JDP2: variants seen among roughly 807,000 people sequenced by gnomAD.
The protein encoded by JDP2 is progesterone receptor co-activator.
JDP2 carries 9 observed loss-of-function variants against 17.1 expected under a neutral mutation model. The ratio of observed to expected loss-of-function variants is 0.53; its 90% CI spans 0.32 to 0.92. The LOEUF (loss-of-function observed/expected upper bound fraction) is 0.92. Among genes scored for constraint, JDP2 ranks in the 40% least tolerant of loss-of-function variants. JDP2 has a pLI of 0.04. For synonymous variants in JDP2, 107 were observed against 95.6 expected, an observed-to-expected ratio of 1.12 and a Z score of -0.69; for missense variants, 179 against 220.0, an observed-to-expected ratio of 0.81 and a Z score of 1.18.
rs1884611568 is a variant in JDP2 at position 75,428,135 on chromosome 14, A to G, written c.-141A>G. On this transcript the variant is annotated 5_prime_UTR_variant, in exon 1 of 4. Coordinates refer to ENST00000651602, the MANE Select transcript of JDP2 (RefSeq NM_001135048.2). The surrounding 1 kb of genome is among the most constrained non-coding windows in gnomAD (Gnocchi z 5.6). ...GCGCCGCGGCGGCTCCCGGGCCGGG[A>G]CAGGCCTGGGCACCGGGCGGAGCTC... 6.9e-6 allele frequency: 1 copy of G among 145,134 alleles called. No homozygotes were observed. Among genetic ancestry groups the G allele is most frequent in the African/African-American group, 2.5e-5 (1 of 40,396 alleles). The allele number at this position is 145,134 out of a possible 1,614,324, so 9.0% of individuals were successfully genotyped here.
rs9878 is a variant in JDP2 at position 75,469,644 on chromosome 14, A to C, written c.*169A>C. On this transcript the variant is annotated 3_prime_UTR_variant, in exon 4 of 4. Transcript: ENST00000651602. The stretch of plus-strand genomic sequence containing the variant: ...CTTTTTTGTGAAACTCAGATCAGCC[A>C]CCCAGGAGGAAGAGCGGGCTGAGGA... 162 of 622,624 alleles carry C rather than the reference A, an allele frequency of 2.6e-4. No individual in the cohort carries two copies. The African/African-American group carries it at 2.8e-3, about 11-fold the overall frequency. The allele number at this position is 622,624 out of a possible 1,614,324, so 38.6% of individuals were successfully genotyped here.
At chr14:75,464,056 T>C (rs1183305502) in intron 3 of JDP2, among the ~76,000 whole-genome samples, 1 of 152,218 alleles carries the variant, frequency 6.6e-6, no homozygotes, top group African/African-American at 2.4e-5. Flanking sequence ...CCTTGGGGTC[T>C]GGGAGGAGAT....
At chr14:75,441,118 CGAGAGAGAGAGAGAGGGA>C (rs1199686717) in intron 2 of JDP2, among the ~76,000 whole-genome samples, 14 of 150,342 alleles carry the variant, frequency 9.3e-5, no homozygotes, top group Admixed American at 2.6e-4. Context: ...CTCCTAGTTC[CGAGAGAGAGAGAGAGGGA>C]GAGAGAGAGA....
intron 2 of JDP2, among the ~76,000 whole-genome samples, chr14:75,443,860 A>G (rs1029912986): frequency 6.6e-6 from 1 of 152,062 alleles, no homozygotes; most frequent in Non-Finnish European, 1.5e-5. Context: ...TTCTATTAAT[A>G]TCTTAAAGTG....
At chr14:75,450,504 G>C (rs117382013) in intron 2 of JDP2, among the ~76,000 whole-genome samples, 1,860 of 152,364 alleles carry the variant, frequency 0.012, 15 homozygotes, top group South Asian at 0.04. Flanking sequence ...TGGGAGCCGA[G>C]TGACTCATCT....
chr14:75,465,521 G>A (rs1419533125), intron 3 of JDP2, among the ~76,000 whole-genome samples: 1 of 152,090 alleles, frequency 6.6e-6, no homozygotes, highest in Non-Finnish European at 1.5e-5. Context: ...GTAGAGACCG[G>A]GGCTCCCTGT....
intron 2 of JDP2, among the ~76,000 whole-genome samples, chr14:75,442,920 G>A (rs1262174801): frequency 2.0e-5 from 3 of 152,088 alleles, no homozygotes; most frequent in African/African-American, 4.8e-5. Flanking sequence ...CCGAGGAATC[G>A]GTGCATACGT....
intron 2 of JDP2, among the ~76,000 whole-genome samples, chr14:75,441,118 CGAGAGAGAGAGAGAGGGAGAGAGA>C (rs1199686717): frequency 6.2e-4 from 93 of 150,342 alleles, no homozygotes; most frequent in African/African-American, 2.0e-3. Flanking sequence ...CTCCTAGTTC[CGAGAGAGAGAGAGAGGGAGAGAGA>C]GAGAGAGAGC....
chr14:75,435,920 G>A (rs1028531259), intron 1 of JDP2, among the ~76,000 whole-genome samples: 2 of 152,186 alleles, frequency 1.3e-5, no homozygotes, highest in African/African-American at 4.8e-5. Flanking sequence ...TATGGGCAGA[G>A]GCTTTATGAC....
chr14:75,436,660 G>A (rs905765424), intron 1 of JDP2, among the ~76,000 whole-genome samples: 1 of 152,242 alleles, frequency 6.6e-6, no homozygotes, highest in Non-Finnish European at 1.5e-5. Context: ...GGATGGATGG[G>A]TAGGTAGGAG....
chr14:75,445,145 C>T (rs982191706), intron 2 of JDP2: 1 of 985,088 alleles, frequency 1.0e-6, no homozygotes, highest in Non-Finnish European at 1.2e-6. Context: ...CTGGGTGAGG[C>T]TCATCTGGCT....
At chr14:75,458,463 C>T (rs992054485) in intron 2 of JDP2, among the ~76,000 whole-genome samples, 18 of 152,160 alleles carry the variant, frequency 1.2e-4, no homozygotes, top group Non-Finnish European at 1.9e-4. Context: ...AGGATAATAA[C>T]CTGAGCTCCA....
At position 75,470,677 on chromosome 14, in the gene JDP2, G is replaced by T. The variant is rs542927922; in HGVS notation, c.*1202G>T. The T allele has an allele frequency of 6.6e-6, 1 of 152,338 alleles. No homozygotes were observed. The highest frequency in any genetic ancestry group is 1.9e-4 in the East Asian group (1 of 5,178). The allele number at this position is 152,338 out of a possible 1,614,324, so 9.4% of individuals were successfully genotyped here. On this transcript the variant is annotated 3_prime_UTR_variant, in exon 4 of 4. Coordinates refer to ENST00000651602, the MANE Select transcript of JDP2 (RefSeq NM_001135048.2). ...TGCAGATGTTTTCTGAGGGCCTGTT[G>T]TGTGTGCCAGGCCCTGAGAATTCAC...
chr14:75,442,437 C>G (rs1345394116), intron 2 of JDP2, among the ~76,000 whole-genome samples: 2 of 152,168 alleles, frequency 1.3e-5, no homozygotes, highest in Non-Finnish European at 2.9e-5. Context: ...CCGCTTCATA[C>G]CATCTGTGTT....
chr14:75,447,961 CTAGT>C (rs1885681291), intron 2 of JDP2, among the ~76,000 whole-genome samples: 1 of 152,072 alleles, frequency 6.6e-6, no homozygotes, highest in African/African-American at 2.4e-5. Context: ...GCCCGGCTAG[CTAGT>C]TAGCTAGCTA....
intron 3 of JDP2, among the ~76,000 whole-genome samples, chr14:75,463,529 A>G (rs1278859228): frequency 1.3e-5 from 2 of 152,174 alleles, no homozygotes; most frequent in Non-Finnish European, 2.9e-5. Context: ...AAGCCTAGCC[A>G]GCTGTGAGAA....
chr14:75,459,149 T>C (rs1014737291), intron 2 of JDP2, among the ~76,000 whole-genome samples: 6 of 152,212 alleles, frequency 3.9e-5, no homozygotes, highest in Non-Finnish European at 7.3e-5. Flanking sequence ...GTACCCAGGC[T>C]GCACACATCA....
intron 3 of JDP2, among the ~76,000 whole-genome samples, chr14:75,463,125 G>A (rs1005105194): frequency 6.6e-6 from 1 of 152,216 alleles, no homozygotes; most frequent in African/African-American, 2.4e-5. Flanking sequence ...ACGCCCTAGC[G>A]GACAGCATGT....
chr14:75,444,732 G>A (rs867676170), intron 2 of JDP2, among the ~76,000 whole-genome samples: 23 of 152,298 alleles, frequency 1.5e-4, no homozygotes, highest in Middle Eastern at 3.4e-3. Context: ...CAGTATGTCC[G>A]TAAATTACCT....
Sources: allele counts gnomAD v4.1 joint callset (sites outside exome capture counted in the v4.1 genomes callset), GRCh38; gene constraint gnomAD v4.1.1; non-coding constraint Gnocchi (gnomAD v3.1); transcripts MANE v1.5; gene names NCBI Gene and HGNC (gene_info 2026-07-23, HGNC 2026-07-21).